PHF21B: variants seen among roughly 807,000 people sequenced by gnomAD.
PHF21B encodes the protein PHD finger protein 21B.
PHF21B carries 22 observed loss-of-function variants against 62.2 expected under a neutral mutation model. That is an observed-to-expected ratio of 0.35 (90% CI 0.25 to 0.51). The LOEUF is 0.51. PHF21B is among the 20% of genes least tolerant of loss of function. The pLI, the probability that PHF21B is intolerant of heterozygous loss-of-function variation, is 0.97. For missense variants in PHF21B, 701 were observed against 707.9 expected (o/e 0.99, Z 0.11); for synonymous variants, 341 against 314.7 (o/e 1.08, Z -0.88).
rs180850355 is a variant in PHF21B, at chr22:44,927,788, C to A, written c.121-7298G>T. Among the ~76,000 whole-genome samples, 269 of 152,330 alleles carry A rather than the reference C, an allele frequency of 1.8e-3. 1 individual carries two copies. The highest frequency in any genetic ancestry group is 5.8e-3 in the African/African-American group (242 of 41,578). Reference sequence around the variant, plus strand: ...ATTTATTGACACCAGCAGAAACAATCATCTCAGACTCGATTTCACCAGCAC... The same window carrying A: ...ATTTATTGACACCAGCAGAAACAATAATCTCAGACTCGATTTCACCAGCAC... On this transcript the variant is annotated intron_variant, in intron 2 of 12. Transcript: ENST00000313237.
intron 2 of PHF21B, among the ~76,000 whole-genome samples, chr22:44,960,505 T>C (rs536030910): frequency 6.6e-6 from 1 of 152,218 alleles, no homozygotes; most frequent in African/African-American, 2.4e-5. Context: ...GGGCCATGGG[T>C]GACCTGGGCT....
Position 45,009,112 on chromosome 22 carries a change from G to T in PHF21B, c.54+384C>A. 1.0e-6 allele frequency: 1 copy of T among 956,886 alleles called. No homozygotes were observed. Among genetic ancestry groups the T allele is most frequent in the Non-Finnish European group, 1.3e-6 (1 of 753,796 alleles). The allele number at this position is 956,886 out of a possible 1,614,324, so 59.3% of individuals were successfully genotyped here. On this transcript the variant is annotated intron_variant, in intron 1 of 12. Coordinates refer to ENST00000313237, the MANE Select transcript of PHF21B (RefSeq NM_138415.5). This position sits in a 1 kb window ranked among gnomAD's most constrained non-coding sequence, Gnocchi z 5.9. ...TCGCCAAAACTACTTCTGCACACCG[G>T]GCAGGTTCGCCCGGGGCGCGGGGGC...
chr22:44,957,586 C>T (rs1305143909), intron 2 of PHF21B, among the ~76,000 whole-genome samples: 1 of 152,120 alleles, frequency 6.6e-6, no homozygotes, highest in African/African-American at 2.4e-5. Context: ...CCTTGAGTTC[C>T]CATTTGTTTG....
intron 2 of PHF21B, among the ~76,000 whole-genome samples, chr22:44,988,479 G>T: frequency 6.6e-6 from 1 of 151,950 alleles, no homozygotes; most frequent in Middle Eastern, 3.4e-3. Flanking sequence ...GAAAGGGAAA[G>T]GAAAAAGGGA....
intron 1 of PHF21B, 55 bp from the exon 2 acceptor site, chr22:45,008,665 C>G: frequency 1.5e-6 from 2 of 1,348,920 alleles, no homozygotes; most frequent in Non-Finnish European, 1.9e-6. Flanking sequence ...CAGGTGCACC[C>G]CAGCACCGCG....
intron 5 of PHF21B, among the ~76,000 whole-genome samples, chr22:44,911,822 G>A (rs1169424847): frequency 6.6e-6 from 1 of 152,232 alleles, no homozygotes; most frequent in Non-Finnish European, 1.5e-5. Context: ...GAGGGCCACT[G>A]TCCTCTGGAC....
In PHF21B at chr22:45,009,510, G is replaced by A. The variant is rs546251436; in HGVS notation, c.40C>T (p.Leu14Phe). 1 of 1,562,350 alleles carries A rather than the reference G, an allele frequency of 6.4e-7. No individual in the cohort carries two copies. Among genetic ancestry groups the A allele is most frequent in the Non-Finnish European group, 8.6e-7 (1 of 1,163,266 alleles). Reference protein sequence around the residue: ...QSRPEALAVELARHQNGDLKK... With the variant: ...QSRPEALAVEFARHQNGDLKK... ...CGGCCACCTACCTGGTGGCGCGCGA[G>A]TTCCACGGCGAGCGCCTCGGGCCGG... The change falls in exon 1 of 13, where the codon CTC becomes TTC. Residue 14 changes from leucine to phenylalanine, a missense_variant. Transcript: ENST00000313237. The surrounding 1 kb of genome is among the most constrained non-coding windows in gnomAD (Gnocchi z 5.9).
intron 5 of PHF21B, among the ~76,000 whole-genome samples, chr22:44,905,715 A>G (rs887402941): frequency 2.0e-5 from 3 of 151,648 alleles, no homozygotes; most frequent in African/African-American, 7.3e-5. Context: ...TGCAAGCTCC[A>G]CCTCCCGGGT....
At chr22:45,005,124 G>C (rs1296695196) in intron 2 of PHF21B, among the ~76,000 whole-genome samples, 1 of 152,270 alleles carries the variant, frequency 6.6e-6, no homozygotes, top group Non-Finnish European at 1.5e-5. Context: ...ACACAGAAGG[G>C]CTTGTTGCTT....
At chr22:44,915,458 A>C (rs1002371984) in intron 4 of PHF21B, among the ~76,000 whole-genome samples, 1 of 152,226 alleles carries the variant, frequency 6.6e-6, no homozygotes, top group South Asian at 2.1e-4. Flanking sequence ...CCTTGTCTGG[A>C]TCAGGTGCCC....
chr22:44,943,574 G>A (rs1204530920), intron 2 of PHF21B, among the ~76,000 whole-genome samples: 2 of 152,066 alleles, frequency 1.3e-5, no homozygotes, highest in African/African-American at 4.8e-5. Context: ...CAGGCCCCGC[G>A]GGCTCTAGAG....
chr22:44,950,488 G>A (rs138061023), intron 2 of PHF21B, among the ~76,000 whole-genome samples: 4 of 152,190 alleles, frequency 2.6e-5, no homozygotes, highest in South Asian at 4.1e-4. Flanking sequence ...TTAGCAATGC[G>A]GTTAGACACT....
chr22:44,930,598 G>A (rs2071722066), intron 2 of PHF21B, among the ~76,000 whole-genome samples: 1 of 152,172 alleles, frequency 6.6e-6, no homozygotes. Context: ...CAGCAGGGGT[G>A]CCAAGAGGCT....
intron 2 of PHF21B, among the ~76,000 whole-genome samples, chr22:44,945,378 G>C (rs1015968659): frequency 6.6e-6 from 1 of 152,230 alleles, no homozygotes; most frequent in Non-Finnish European, 1.5e-5. Context: ...GGAGGCACTT[G>C]TCTGTGCTTC....
chr22:44,948,704 A>AG (rs200174767), intron 2 of PHF21B, among the ~76,000 whole-genome samples: 2,047 of 151,906 alleles, frequency 0.013, 56 homozygotes, highest in African/African-American at 0.047. Context: ...AAAAAAAAAA[A>AG]AAAGAGAGAC....
At chr22:44,922,371 G>A (rs1184841697) in intron 2 of PHF21B, among the ~76,000 whole-genome samples, 1 of 152,166 alleles carries the variant, frequency 6.6e-6, no homozygotes, top group Non-Finnish European at 1.5e-5. Context: ...GGTGGCTCAC[G>A]CCTGTAATCC....
intron 2 of PHF21B, among the ~76,000 whole-genome samples, chr22:44,930,077 G>C (rs1178943524): frequency 6.7e-6 from 1 of 148,936 alleles, no homozygotes; most frequent in African/African-American, 2.4e-5. Context: ...GGGTCACCAA[G>C]AGTGTGGAAG....
chr22:44,971,336 C>T (rs904730397), intron 2 of PHF21B: 26 of 152,298 alleles, frequency 1.7e-4, no homozygotes, highest in Non-Finnish European at 2.8e-4. Flanking sequence ...ATTCTTTCTG[C>T]CATGTGTTTT....
intron 2 of PHF21B, among the ~76,000 whole-genome samples, chr22:44,945,980 A>G (rs2072061064): frequency 6.6e-6 from 1 of 152,012 alleles, no homozygotes; most frequent in Non-Finnish European, 1.5e-5. Flanking sequence ...TGCCCAAGTC[A>G]CCCACTTACT....
Sources: allele counts gnomAD v4.1 joint callset (sites outside exome capture counted in the v4.1 genomes callset), GRCh38; gene constraint gnomAD v4.1.1; non-coding constraint Gnocchi (gnomAD v3.1); transcripts MANE v1.5; gene names NCBI Gene and HGNC (gene_info 2026-07-23, HGNC 2026-07-21).